ST7: variants seen among roughly 807,000 people sequenced by gnomAD.
The protein encoded by ST7 is suppressor of tumorigenicity 7 protein.
Under a neutral mutation model 78.7 loss-of-function variants are expected in ST7, and 28 were observed. The observed-to-expected ratio is 0.36, with a 90% CI of 0.26 to 0.49. The LOEUF (loss-of-function observed/expected upper bound fraction) is 0.49, where lower values mean the gene tolerates loss of function less well. Among genes scored for constraint, ST7 ranks in the 20% least tolerant of loss-of-function variants. The pLI, the probability that ST7 is intolerant of heterozygous loss-of-function variation, is 0.99. For missense variants in ST7, 418 were observed against 696.0 expected, an observed-to-expected ratio of 0.60 and a Z score of 4.49; for synonymous variants, 247 against 249.6, an observed-to-expected ratio of 0.99 and a Z score of 0.10.
At chr7:117,114,365 C>T (rs1802680765) in intron 2 of ST7, among the ~76,000 whole-genome samples, 2 of 151,990 alleles carry the variant, frequency 1.3e-5, no homozygotes, top group African/African-American at 4.8e-5. Flanking sequence ...ATGCCAACTG[C>T]CTGGGTTTAT....
intron 9 of ST7, among the ~76,000 whole-genome samples, chr7:117,169,380 C>T (rs1463967404): frequency 6.6e-6 from 1 of 152,114 alleles, no homozygotes; most frequent in Admixed American, 6.5e-5. Flanking sequence ...AGGTGATCCA[C>T]CTGCCTCGGC....
At chr7:117,154,600 GTTAAGAGTA>G (rs1806546908) in intron 9 of ST7, among the ~76,000 whole-genome samples, 1 of 152,182 alleles carries the variant, frequency 6.6e-6, no homozygotes, top group South Asian at 2.1e-4. Context: ...AAGGAGGTGA[GTTAAGAGTA>G]TTAAGGGAGT....
At chr7:117,182,635 A>G (rs1480251646) in intron 10 of ST7, 2 of 152,172 alleles carry the variant, frequency 1.3e-5, no homozygotes, top group African/African-American at 4.8e-5. Flanking sequence ...ACACAATCAT[A>G]GGAACAAACA....
intron 9 of ST7, among the ~76,000 whole-genome samples, chr7:117,156,979 G>A (rs1247377472): frequency 6.6e-6 from 1 of 152,156 alleles, no homozygotes; most frequent in Non-Finnish European, 1.5e-5. Flanking sequence ...TTTTGAGAAG[G>A]TAAAACACTA....
chr7:117,130,375 A>G, intron 4 of ST7, 116 bp from the exon 5 acceptor site: 1 of 598,524 alleles, frequency 1.7e-6, no homozygotes, highest in Non-Finnish European at 2.7e-6. Flanking sequence ...TTCATTAGCA[A>G]AGCTATTTTA....
chr7:117,210,007 T>C, intron 13 of ST7, 70 bp downstream of exon 13: 4 of 1,528,516 alleles, frequency 2.6e-6, no homozygotes, highest in South Asian at 2.4e-5. Flanking sequence ...TTGCACTGTT[T>C]ATGATGAATA....
At chr7:117,154,500 G>A (rs1233707987) in intron 9 of ST7, among the ~76,000 whole-genome samples, 1 of 152,200 alleles carries the variant, frequency 6.6e-6, no homozygotes, top group Non-Finnish European at 1.5e-5. Context: ...GAGGGATATG[G>A]TAGAGGTGCA....
At chr7:117,208,922 T>TGG (rs1415357005) in intron 12 of ST7, among the ~76,000 whole-genome samples, 1 of 150,978 alleles carries the variant, frequency 6.6e-6, no homozygotes, top group Admixed American at 6.6e-5. Context: ...TGTGTGTGTG[T>TGG]GTGTGTGTGT....
At chr7:116,983,217 C>G (rs1391084099) in intron 1 of ST7, among the ~76,000 whole-genome samples, 1 of 152,176 alleles carries the variant, frequency 6.6e-6, no homozygotes, top group Non-Finnish European at 1.5e-5. Flanking sequence ...GTTTTTATAT[C>G]TAGTTCTTAT....
intron 1 of ST7, among the ~76,000 whole-genome samples, chr7:116,984,413 T>C (rs1461237382): frequency 6.6e-6 from 1 of 152,232 alleles, no homozygotes; most frequent in African/African-American, 2.4e-5. Flanking sequence ...TCTGTGGGAT[T>C]ATCTGTTATA....
At chr7:117,158,992 A>AT (rs2117199810) in intron 9 of ST7, among the ~76,000 whole-genome samples, 1 of 152,300 alleles carries the variant, frequency 6.6e-6, no homozygotes, top group South Asian at 2.1e-4. Context: ...CTGGCTGAGG[A>AT]TCTCTTTTAG....
chr7:117,160,653 G>GTATA (rs1554443282), intron 9 of ST7, among the ~76,000 whole-genome samples: 72 of 147,690 alleles, frequency 4.9e-4, no homozygotes, highest in African/African-American at 1.7e-3. Flanking sequence ...GTGTGTGTGT[G>GTATA]TATATATATA....
At chr7:117,128,082 C>T (rs1171349335) in intron 3 of ST7, among the ~76,000 whole-genome samples, 5 of 151,812 alleles carry the variant, frequency 3.3e-5, no homozygotes, top group African/African-American at 4.8e-5. Flanking sequence ...CCCAAATGTC[C>T]TTGTTTTATA....
In ST7 at chr7:117,125,634, G is replaced by C. The variant is rs531085625; in HGVS notation, c.395-4159G>C. On this transcript the variant is annotated intron_variant, in intron 3 of 15. Coordinates refer to ENST00000323984, the MANE Select transcript of ST7 (RefSeq NM_001369598.1). Reference sequence around the variant, plus strand: ...TAGAGAATTGGGTATTCATTTCTGAGATATCAAAGCTAATAAACATATGCA... The same window carrying C: ...TAGAGAATTGGGTATTCATTTCTGACATATCAAAGCTAATAAACATATGCA... Among the ~76,000 whole-genome samples the C allele has an allele frequency of 2.0e-5, 3 of 152,112 alleles. No homozygotes were observed. The South Asian group carries it at 6.2e-4, about 32-fold the overall frequency.
Position 117,221,918 on chromosome 7 carries a change from C to T in ST7, c.1499-5C>T. 1.2e-6 allele frequency: 2 copies of T among 1,606,960 alleles called. No homozygotes were observed. The highest frequency in any genetic ancestry group is 1.7e-5 in the Admixed American group (1 of 59,192). ...CTGATATTTCCCTTTTGGTCTTCTCCACAGCTTTCCATGAAGTCTCAGTTT... is the reference window on the plus strand; with the variant it reads ...CTGATATTTCCCTTTTGGTCTTCTCTACAGCTTTCCATGAAGTCTCAGTTT... On this transcript the variant is annotated splice_polypyrimidine_tract_variant and splice_region_variant and intron_variant, in intron 14 of 15. Coordinates refer to ENST00000323984, the MANE Select transcript of ST7 (RefSeq NM_001369598.1).
intron 1 of ST7, among the ~76,000 whole-genome samples, chr7:116,971,753 G>T (rs566609227): frequency 1.3e-5 from 2 of 152,208 alleles, no homozygotes; most frequent in African/African-American, 4.8e-5. Flanking sequence ...TATGGAGCGG[G>T]CAATATGCAT....
At chr7:117,034,299 C>T (rs1796768553) in intron 1 of ST7, among the ~76,000 whole-genome samples, 1 of 152,108 alleles carries the variant, frequency 6.6e-6, no homozygotes, top group East Asian at 1.9e-4. Flanking sequence ...ATGAATGCTA[C>T]CTACTGTTAT....
In ST7 at chr7:116,973,952, A is replaced by G. The variant is rs370496008; in HGVS notation, c.151+20261A>G. ...TCAAGGGAAAGTGTTATCAATAGTAATGGGATCAACTAGGGAAAGTTTGGA... is the reference window on the plus strand; with the variant it reads ...TCAAGGGAAAGTGTTATCAATAGTAGTGGGATCAACTAGGGAAAGTTTGGA... On this transcript the variant is annotated intron_variant, in intron 1 of 15. Coordinates refer to ENST00000323984, the MANE Select transcript of ST7 (RefSeq NM_001369598.1). 6.6e-5 allele frequency among the ~76,000 whole-genome samples: 10 copies of G among 152,352 alleles called. No individual in the cohort carries two copies. The South Asian group carries it at 1.5e-3, about 22-fold the overall frequency.
chr7:116,967,489 G>A (rs1180754181), intron 1 of ST7: 4 of 451,296 alleles, frequency 8.9e-6, no homozygotes, highest in East Asian at 7.1e-5. Context: ...CAGCTCTAGC[G>A]GGTCCAGTCC....
Sources: gnomAD v4.1 joint callset for allele counts (sites outside exome capture counted in the v4.1 genomes callset) on GRCh38, gnomAD v4.1.1 for gene constraint, MANE v1.5 for transcripts, NCBI Gene and HGNC (gene_info 2026-07-23, HGNC 2026-07-21) for gene names.